The following MYRFL variants were observed in gnomAD, a reference collection of about 807,000 sequenced individuals.
MYRFL encodes myelin regulatory factor-like protein.
A neutral mutation model predicts 109.4 loss-of-function variants in MYRFL; 88 were observed. The observed-to-expected ratio is 0.80, with a 90% CI of 0.68 to 0.96. The LOEUF is 0.96. Ranked by LOEUF, MYRFL falls within the 40% of genes least tolerant of loss-of-function variation. MYRFL has a pLI of 0.00. For missense variants in MYRFL, 957 were observed against 954.9 expected, an observed-to-expected ratio of 1.00 and a Z score of -0.03; for synonymous variants, 324 against 320.9, an observed-to-expected ratio of 1.01 and a Z score of -0.10.
At chr12:69,874,695 T>A (rs1411333104) in intron 2 of MYRFL, among the ~76,000 whole-genome samples, 1 of 152,124 alleles carries the variant, frequency 6.6e-6, no homozygotes, top group Non-Finnish European at 1.5e-5. Context: ...CTTTCATTCT[T>A]GAAGACTATT....
intron 19 of MYRFL, among the ~76,000 whole-genome samples, chr12:69,951,866 A>G (rs1377236127): frequency 2.0e-5 from 3 of 152,226 alleles, no homozygotes; most frequent in African/African-American, 4.8e-5. Flanking sequence ...ATAAGGCTTC[A>G]CTATATGCAT....
At chr12:69,943,799 A>G (rs1435244989) in intron 19 of MYRFL, among the ~76,000 whole-genome samples, 1 of 151,358 alleles carries the variant, frequency 6.6e-6, no homozygotes, top group Non-Finnish European at 1.5e-5. Context: ...CAAAGGGCTA[A>G]TATCCAGAAT....
At chr12:69,882,465 G>A (rs545364355) in intron 5 of MYRFL, among the ~76,000 whole-genome samples, 14 of 150,130 alleles carry the variant, frequency 9.3e-5, no homozygotes, top group Admixed American at 8.5e-4. Flanking sequence ...TGGGGAAACA[G>A]CACATTGCTA....
intron 1 of MYRFL, among the ~76,000 whole-genome samples, chr12:69,833,993 C>G (rs1195530275): frequency 6.6e-6 from 1 of 152,072 alleles, no homozygotes; most frequent in Non-Finnish European, 1.5e-5. Flanking sequence ...GTTCATTGAG[C>G]AGGCAGCTCC....
chr12:69,843,150 AAGTAG>A (rs1471254067), intron 1 of MYRFL, among the ~76,000 whole-genome samples: 5 of 152,012 alleles, frequency 3.3e-5, no homozygotes, highest in African/African-American at 9.7e-5. Flanking sequence ...CAAATGAGAG[AAGTAG>A]AGTATTTTAT....
At chr12:69,922,134 C>A (rs983420107) in intron 13 of MYRFL, among the ~76,000 whole-genome samples, 1 of 151,876 alleles carries the variant, frequency 6.6e-6, no homozygotes, top group African/African-American at 2.4e-5. Context: ...GAGCAGGGTG[C>A]AGGGAGGGGT....
intron 5 of MYRFL, among the ~76,000 whole-genome samples, chr12:69,884,515 C>T (rs1013999603): frequency 1.6e-4 from 24 of 152,166 alleles, no homozygotes; most frequent in Non-Finnish European, 2.9e-4. Context: ...GTCCACCCTC[C>T]CTGTCAGTGT....
intron 8 of MYRFL, among the ~76,000 whole-genome samples, chr12:69,894,704 A>G (rs1025651540): frequency 6.6e-6 from 1 of 152,236 alleles, no homozygotes; most frequent in Non-Finnish European, 1.5e-5. Context: ...TCCTCTCTGT[A>G]GGATGACTTA....
chr12:69,949,476 C>T (rs1413510908), intron 19 of MYRFL, among the ~76,000 whole-genome samples: 1 of 152,180 alleles, frequency 6.6e-6, no homozygotes. Context: ...CTGCTCTGGC[C>T]CCACACCAGC....
intron 2 of MYRFL, among the ~76,000 whole-genome samples, chr12:69,865,205 G>A (rs1039398613): frequency 1.3e-5 from 2 of 152,188 alleles, no homozygotes; most frequent in Non-Finnish European, 2.9e-5. Flanking sequence ...ATGAAACCCA[G>A]AGACTCAGGG....
chr12:69,861,692 G>A (rs928485460), intron 2 of MYRFL, among the ~76,000 whole-genome samples: 2 of 152,002 alleles, frequency 1.3e-5, no homozygotes, highest in African/African-American at 4.8e-5. Context: ...CTCCCATTTT[G>A]TAGGTTGCCT....
intron 14 of MYRFL, among the ~76,000 whole-genome samples, 198 bp downstream of exon 14, chr12:69,926,932 GGTTTTTTTT>G (rs1192717297): frequency 5.2e-5 from 4 of 76,872 alleles, no homozygotes; most frequent in Non-Finnish European, 7.7e-5. Context: ...TTCTGTTGCT[GGTTTTTTTT>G]TTTTTTTTTT....
chr12:69,863,300 GA>G (rs1884810284), intron 2 of MYRFL, among the ~76,000 whole-genome samples: 1 of 152,050 alleles, frequency 6.6e-6, no homozygotes, highest in Non-Finnish European at 1.5e-5. Context: ...TTTTTCTATT[GA>G]TTGGAATAGT....
chr12:69,825,527 G>A lies in MYRFL; in HGVS notation c.10G>A (p.Val4Ile). The A allele has an allele frequency of 1.4e-6, 1 of 701,936 alleles. No homozygotes were observed. Among genetic ancestry groups the A allele is most frequent in the African/African-American group, 1.7e-5 (1 of 57,310 alleles). The allele number at this position is 701,936 out of a possible 1,614,324, so 43.5% of individuals were successfully genotyped here. A position where few individuals can be genotyped will look rare whatever the true frequency, so the allele number is the denominator to read the frequency against. Residue 4 changes from valine (V) to isoleucine (I), a missense_variant, in exon 1 of 25, where the codon GTA (valine) becomes ATA (isoleucine). By Grantham distance (29) the Val-to-Ile change is conservative. Coordinates refer to ENST00000552032, the MANE Select transcript of MYRFL (RefSeq NM_182530.3). MDV[V>I]GENEALQQFF... ...CTAGGATCACAGTACCATGGATGTG[G>A]TAGGCGAAAATGAGGCCCTGCAGCA...
At chr12:69,933,600 C>CTTAG (rs1955340322) in intron 16 of MYRFL, among the ~76,000 whole-genome samples, 1 of 152,052 alleles carries the variant, frequency 6.6e-6, no homozygotes, top group Non-Finnish European at 1.5e-5. Flanking sequence ...CTTCTTGTTC[C>CTTAG]TTAGTGTTTT....
chr12:69,917,954 G>A (rs1479705301), intron 13 of MYRFL, among the ~76,000 whole-genome samples: 1 of 150,638 alleles, frequency 6.6e-6, no homozygotes, highest in African/African-American at 2.4e-5. Flanking sequence ...ACTTGGGAGG[G>A]CAGCTAGGGT....
chr12:69,902,253 G>A (rs1954220096), intron 10 of MYRFL, among the ~76,000 whole-genome samples: 1 of 152,152 alleles, frequency 6.6e-6, no homozygotes, highest in South Asian at 2.1e-4. Context: ...GCAGCTCAGG[G>A]TTCAGACACT....
intron 19 of MYRFL, among the ~76,000 whole-genome samples, chr12:69,939,014 A>G (rs1165848247): frequency 1.3e-5 from 2 of 152,232 alleles, no homozygotes; most frequent in Non-Finnish European, 2.9e-5. Flanking sequence ...CCACGAGATT[A>G]TATCCCGCAC....
In MYRFL at chr12:69,855,309, C is replaced by A. The variant is rs1336835098; in HGVS notation, c.76C>A (p.Pro26Thr). ...GGGAGCCAATGGTACTCTGGAGAACCCAGCCCTGGACACAAGTCTGTTGGA... is the reference window on the plus strand; with the variant it reads ...GGGAGCCAATGGTACTCTGGAGAACACAGCCCTGGACACAAGTCTGTTGGA... The part of the protein sequence containing the change: ...AQGANGTLEN[P>T]ALDTSLLEEF... Residue 26 changes from proline to threonine, a missense_variant, in exon 2 of 25, where the codon CCA becomes ACA. Pro to Thr is a conservative substitution (Grantham distance 38). Coordinates refer to ENST00000552032, the MANE Select transcript of MYRFL (RefSeq NM_182530.3). The A allele has an allele frequency of 1.4e-6, 1 of 702,668 alleles. No homozygotes were observed. The highest frequency in any genetic ancestry group is 2.0e-5 in the Admixed American group (1 of 50,000). The allele number at this position is 702,668 out of a possible 1,614,324, so 43.5% of individuals were successfully genotyped here. A position where few individuals can be genotyped will look rare whatever the true frequency, so the allele number is the denominator to read the frequency against.
Sources: gnomAD v4.1 joint callset for allele counts (sites outside exome capture counted in the v4.1 genomes callset) on GRCh38, gnomAD v4.1.1 for gene constraint, MANE v1.5 for transcripts, NCBI Gene and HGNC (gene_info 2026-07-23, HGNC 2026-07-21) for gene names.